Variants in COX7B2 observed in about 807,000 individuals in gnomAD.
COX7B2 encodes the protein cytochrome c oxidase subunit 7B2, mitochondrial.
For missense variants in COX7B2, 109 were observed against 95.9 expected, an observed-to-expected ratio of 1.14 and a Z score of -0.57; for synonymous variants, 37 against 32.1, an observed-to-expected ratio of 1.15 and a Z score of -0.51.
intron 1 of COX7B2, among the ~76,000 whole-genome samples, chr4:46,880,993 T>TAAAAAAAAAAAAAAAAA (rs1215385422): frequency 9.1e-4 from 93 of 102,616 alleles, no homozygotes; most frequent in Middle Eastern, 0.013. Context: ...TAGAGTATAA[T>TAAAAAAAAAAAAAAAAA]AAAAAAAAAA....
chr4:46,745,403 C>G (rs988556660), intron 2 of COX7B2, among the ~76,000 whole-genome samples: 4 of 152,320 alleles, frequency 2.6e-5, no homozygotes, highest in South Asian at 4.1e-4. Context: ...AGTAGTAACT[C>G]TAATCATTGA....
At chr4:46,877,594 GAC>G (rs1362559550) in intron 1 of COX7B2, among the ~76,000 whole-genome samples, 1 of 152,010 alleles carries the variant, frequency 6.6e-6, no homozygotes, top group Non-Finnish European at 1.5e-5. Flanking sequence ...TTCCAAAGAA[GAC>G]ACAAAAAGGC....
At chr4:46,765,865 G>C (rs956245921) in intron 2 of COX7B2, among the ~76,000 whole-genome samples, 1 of 152,072 alleles carries the variant, frequency 6.6e-6, no homozygotes, top group East Asian at 1.9e-4. Context: ...AAGGCTCCAG[G>C]CCTATCCCAG....
At chr4:46,764,674 C>T (rs567942683) in intron 2 of COX7B2, among the ~76,000 whole-genome samples, 69 of 97,908 alleles carry the variant, frequency 7.0e-4, no homozygotes, top group African/African-American at 2.4e-3. Context: ...AGTGAGACTC[C>T]GCCTCAAAAA....
intron 2 of COX7B2, among the ~76,000 whole-genome samples, chr4:46,778,721 TATCA>T (rs1263524801): frequency 1.3e-5 from 2 of 152,184 alleles, no homozygotes; most frequent in Non-Finnish European, 2.9e-5. Context: ...TAATTTGATA[TATCA>T]ATTAGTTCCA....
In COX7B2 at chr4:46,747,259, T is replaced by C. The variant is rs1047237598; in HGVS notation, c.-49-12018A>G. On this transcript the variant is annotated intron_variant, in intron 2 of 2. Coordinates refer to ENST00000355591, the MANE Select transcript of COX7B2 (RefSeq NM_130902.3). ...TGTGTTATTCCCCTCTATGTGTCCA[T>C]ATATTCTCATCATTAAGCTCCTATT... 9.1e-5 allele frequency among the ~76,000 whole-genome samples: 13 copies of C among 143,428 alleles called. No individual in the cohort carries two copies. The Admixed American group carries it at 9.8e-4, about 11-fold the overall frequency. 94.1% of individuals were successfully genotyped at this position (143,428 alleles called of 152,430 possible). A position where few individuals can be genotyped will look rare whatever the true frequency, so the allele number is the denominator to read the frequency against.
At chr4:46,864,746 G>C (rs928201780) in intron 1 of COX7B2, among the ~76,000 whole-genome samples, 1 of 151,824 alleles carries the variant, frequency 6.6e-6, no homozygotes, top group African/African-American at 2.4e-5. Flanking sequence ...CCGGGTTCAC[G>C]CCATTCTCCT....
At chr4:46,862,715 A>T (rs567031558) in intron 1 of COX7B2, among the ~76,000 whole-genome samples, 1 of 152,298 alleles carries the variant, frequency 6.6e-6, no homozygotes, top group Admixed American at 6.5e-5. Context: ...GATTCTTATT[A>T]GGTGTTCACC....
chr4:46,893,170 C>T (rs1719542947), intron 1 of COX7B2, among the ~76,000 whole-genome samples: 1 of 152,146 alleles, frequency 6.6e-6, no homozygotes, highest in African/African-American at 2.4e-5. Flanking sequence ...AACCATTAAA[C>T]AGGTTTCTTA....
intron 2 of COX7B2, among the ~76,000 whole-genome samples, chr4:46,762,221 T>C (rs1172243199): frequency 7.0e-6 from 1 of 143,168 alleles, no homozygotes; most frequent in Non-Finnish European, 1.5e-5. Flanking sequence ...TTAATATGTA[T>C]ATTATTTATA....
At chr4:46,903,180 G>C (rs757896605) in intron 1 of COX7B2, among the ~76,000 whole-genome samples, 3 of 152,074 alleles carry the variant, frequency 2.0e-5, no homozygotes, top group African/African-American at 4.8e-5. Flanking sequence ...AACACTCAAA[G>C]AAATTAAAGT....
At chr4:46,867,956 G>T (rs1717769939) in intron 1 of COX7B2, among the ~76,000 whole-genome samples, 1 of 152,158 alleles carries the variant, frequency 6.6e-6, no homozygotes, top group Non-Finnish European at 1.5e-5. Context: ...AATGGTATAA[G>T]ATCTTCTTTG....
chr4:46,810,189 G>T (rs1293797965), intron 2 of COX7B2, among the ~76,000 whole-genome samples: 2 of 151,892 alleles, frequency 1.3e-5, no homozygotes, highest in Non-Finnish European at 2.9e-5. Context: ...TATCCATTCA[G>T]CCACTCTGTG....
At chr4:46,842,170 C>T (rs1255870631) in intron 2 of COX7B2, among the ~76,000 whole-genome samples, 1 of 151,978 alleles carries the variant, frequency 6.6e-6, no homozygotes, top group Non-Finnish European at 1.5e-5. Context: ...TCTTAATGCA[C>T]CACCTGGTTT....
chr4:46,801,973 G>C (rs1266961184), intron 2 of COX7B2, among the ~76,000 whole-genome samples: 1 of 152,100 alleles, frequency 6.6e-6, no homozygotes, highest in African/African-American at 2.4e-5. Context: ...TCTCAGGAAA[G>C]TGAGGCCTAG....
In COX7B2 at chr4:46,824,297, C is replaced by G. The variant is rs80110713; in HGVS notation, c.-50+20663G>C. ...ATTCCAAAAAACTGAGGAGGAGGGACTCTTGCTCAACTCATACTATGAGGC... is the reference window on the plus strand; with the variant it reads ...ATTCCAAAAAACTGAGGAGGAGGGAGTCTTGCTCAACTCATACTATGAGGC... On this transcript the variant is annotated intron_variant, in intron 2 of 2. Coordinates refer to ENST00000355591, the MANE Select transcript of COX7B2 (RefSeq NM_130902.3). Among the ~76,000 whole-genome samples, 1,215 of 152,234 alleles carry G rather than the reference C, an allele frequency of 8.0e-3. 12 individuals carry two copies. Among genetic ancestry groups the G allele is most frequent in the African/African-American group, 0.028 (1,148 of 41,536 alleles).
At chr4:46,795,063 A>G (rs962718735) in intron 2 of COX7B2, among the ~76,000 whole-genome samples, 4 of 138,762 alleles carry the variant, frequency 2.9e-5, no homozygotes, top group Admixed American at 2.1e-4. Context: ...TTTTTCTTGT[A>G]AATTTGTTTG....
At chr4:46,770,221 T>C (rs746504059) in intron 2 of COX7B2, among the ~76,000 whole-genome samples, 1 of 152,034 alleles carries the variant, frequency 6.6e-6, no homozygotes, top group Non-Finnish European at 1.5e-5. Context: ...TGAAAAAGAA[T>C]CCAGAACTAC....
chr4:46,861,389 G>A (rs749304970), intron 1 of COX7B2, among the ~76,000 whole-genome samples: 1 of 152,092 alleles, frequency 6.6e-6, no homozygotes, highest in South Asian at 2.1e-4. Context: ...AGAAAATAAC[G>A]GAGATTTCGC....
Sources: gnomAD v4.1 joint callset for allele counts (sites outside exome capture counted in the v4.1 genomes callset) on GRCh38, gnomAD v4.1.1 for gene constraint, MANE v1.5 for transcripts, NCBI Gene and HGNC (gene_info 2026-07-23, HGNC 2026-07-21) for gene names.